BRINP3: variants seen among roughly 807,000 people sequenced by gnomAD.
The protein encoded by BRINP3 is BMP/retinoic acid-inducible neural-specific protein 3.
Under a neutral mutation model 71.0 loss-of-function variants are expected in BRINP3, and 19 were observed. That is an observed-to-expected ratio of 0.27 (90% confidence interval 0.19 to 0.39). The LOEUF (loss-of-function observed/expected upper bound fraction) is 0.39, where lower values mean the gene tolerates loss of function less well. BRINP3 is among the 10% of genes least tolerant of loss of function. BRINP3 has a pLI of 1.00. For synonymous variants in BRINP3, 380 were observed against 337.7 expected (o/e 1.13, Z -1.37); for missense variants, 959 against 940.8 (o/e 1.02, Z -0.25).
chr1:190,357,447 C>T (rs1668808492), intron 2 of BRINP3, among the ~76,000 whole-genome samples: 2 of 151,902 alleles, frequency 1.3e-5, no homozygotes, highest in South Asian at 2.1e-4. Flanking sequence ...TTAAAATTTT[C>T]ACAGTTTGGG....
At chr1:190,129,763 T>C (rs1357445874) in intron 7 of BRINP3, among the ~76,000 whole-genome samples, 2 of 152,000 alleles carry the variant, frequency 1.3e-5, no homozygotes, top group East Asian at 1.9e-4. Flanking sequence ...CTATATACTG[T>C]AATGATTAAC....
At chr1:190,246,944 G>T (rs1043032910) in intron 4 of BRINP3, among the ~76,000 whole-genome samples, 4 of 151,902 alleles carry the variant, frequency 2.6e-5, no homozygotes, top group African/African-American at 7.2e-5. Context: ...ACATCTAAAA[G>T]AATGAAAATT....
intron 7 of BRINP3, among the ~76,000 whole-genome samples, chr1:190,151,839 T>C (rs1165900692): frequency 1.3e-5 from 2 of 152,152 alleles, no homozygotes; most frequent in Non-Finnish European, 2.9e-5. Context: ...TTTACTGTGA[T>C]TGAAGTTACT....
At chr1:190,351,280 A>T (rs998909806) in intron 2 of BRINP3, among the ~76,000 whole-genome samples, 1 of 152,088 alleles carries the variant, frequency 6.6e-6, no homozygotes, top group Non-Finnish European at 1.5e-5. Flanking sequence ...AATCCTTGCA[A>T]TTGGATACAG....
intron 1 of BRINP3, among the ~76,000 whole-genome samples, chr1:190,462,256 T>C (rs975633055): frequency 1.3e-5 from 2 of 152,044 alleles, no homozygotes; most frequent in African/African-American, 2.4e-5. Flanking sequence ...AGGACAAAAA[T>C]AGAAAGTATT....
At chr1:190,181,525 G>C (rs116610974) in intron 6 of BRINP3, among the ~76,000 whole-genome samples, 353 of 151,922 alleles carry the variant, frequency 2.3e-3, no homozygotes, top group African/African-American at 8.2e-3. Flanking sequence ...TTTACCTGTA[G>C]TATTTTAGAA....
chr1:190,440,287 C>T (rs992715726), intron 2 of BRINP3, among the ~76,000 whole-genome samples: 3 of 151,734 alleles, frequency 2.0e-5, no homozygotes, highest in African/African-American at 7.2e-5. Context: ...AAAAATTACA[C>T]ACGAATTTTA....
At chr1:190,232,188 G>T (rs1292345425) in intron 5 of BRINP3, among the ~76,000 whole-genome samples, 1 of 151,880 alleles carries the variant, frequency 6.6e-6, no homozygotes, top group Non-Finnish European at 1.5e-5. Flanking sequence ...AACCCCAAAA[G>T]ACATGAAGAT....
At chr1:190,465,266 A>G (rs1459764515) in intron 1 of BRINP3, among the ~76,000 whole-genome samples, 1 of 151,992 alleles carries the variant, frequency 6.6e-6, no homozygotes, top group Non-Finnish European at 1.5e-5. Flanking sequence ...ATGAAGTCCA[A>G]ATGAAAGATG....
intron 1 of BRINP3, among the ~76,000 whole-genome samples, chr1:190,457,412 C>G (rs1256626233): frequency 6.6e-5 from 10 of 151,982 alleles, no homozygotes; most frequent in Admixed American, 4.6e-4. Context: ...CCACTGCACT[C>G]CAGCCTGGGT....
chr1:190,391,675 T>A (rs1190226470), intron 2 of BRINP3, among the ~76,000 whole-genome samples: 1 of 151,716 alleles, frequency 6.6e-6, no homozygotes, highest in African/African-American at 2.4e-5. Context: ...TCACTTTTTC[T>A]CCAGGAACAA....
At position 190,370,801 on chromosome 1, in the gene BRINP3, T is replaced by C. The variant is rs150741444; in HGVS notation, c.236+83854A>G. On this transcript the variant is annotated intron_variant, in intron 2 of 7. Coordinates refer to ENST00000367462, the MANE Select transcript of BRINP3 (RefSeq NM_199051.3). ...TTCACTTTTCTCTACATTCTCACTA[T>C]CGCTAGATATTTTTCATCTTTTTGA... Among the ~76,000 whole-genome samples the C allele has an allele frequency of 5.5e-3, 834 of 152,298 alleles. 5 individuals are homozygous for C. Among genetic ancestry groups the C allele is most frequent in the African/African-American group, 0.018 (764 of 41,564 alleles).
intron 7 of BRINP3, among the ~76,000 whole-genome samples, chr1:190,101,341 C>T (rs1223944485): frequency 6.6e-6 from 1 of 152,138 alleles, no homozygotes; most frequent in African/African-American, 2.4e-5. Context: ...AGTGTCTCTG[C>T]TACTCTTGCT....
chr1:190,138,338 A>G (rs1655147329), intron 7 of BRINP3, among the ~76,000 whole-genome samples: 1 of 152,172 alleles, frequency 6.6e-6, no homozygotes, highest in Non-Finnish European at 1.5e-5. Context: ...ATTTCAATGA[A>G]GACTGCTAAA....
rs1007732282 is a variant in BRINP3 at position 190,454,300 on chromosome 1, C to T, written c.236+355G>A. Among the ~76,000 whole-genome samples, 14 of 152,130 alleles carry T rather than the reference C, an allele frequency of 9.2e-5. 1 individual carries two copies. Among genetic ancestry groups the T allele is most frequent in the African/African-American group, 3.4e-4 (14 of 41,432 alleles). Reference sequence around the variant, plus strand: ...TTTCCATTTAGGCTGAAAAAGGTAACATAGCATTGTATAAGGTAGAAAGGA... The same window carrying T: ...TTTCCATTTAGGCTGAAAAAGGTAATATAGCATTGTATAAGGTAGAAAGGA... On this transcript the variant is annotated intron_variant, in intron 2 of 7. Coordinates refer to ENST00000367462, the MANE Select transcript of BRINP3 (RefSeq NM_199051.3).
At chr1:190,331,253 A>G (rs1437922634) in intron 2 of BRINP3, among the ~76,000 whole-genome samples, 1 of 152,054 alleles carries the variant, frequency 6.6e-6, no homozygotes, top group Non-Finnish European at 1.5e-5. Context: ...ATATGTAAGT[A>G]TATAACATCA....
At position 190,165,368 on chromosome 1, in the gene BRINP3, T is replaced by C. The variant is rs541367276; in HGVS notation, c.962-4478A>G. Among the ~76,000 whole-genome samples the C allele has an allele frequency of 1.1e-4, 16 of 151,434 alleles. 1 individual carries two copies. The East Asian group carries it at 2.9e-3, about 28-fold the overall frequency. On this transcript the variant is annotated intron_variant, in intron 6 of 7. Coordinates refer to ENST00000367462, the MANE Select transcript of BRINP3 (RefSeq NM_199051.3). ...ATAAACTAAAAAAAAAAAGTATTAC[T>C]TTCTCACACTAAATGCAAAACTTTG...
chr1:190,197,663 C>A (rs1216796546), intron 6 of BRINP3, among the ~76,000 whole-genome samples: 1 of 152,184 alleles, frequency 6.6e-6, no homozygotes, highest in South Asian at 2.1e-4. Flanking sequence ...CACACTTATG[C>A]AAGAGGTGGG....
chr1:190,455,026 T>C (rs942526142), intron 1 of BRINP3, 86 bp from the exon 2 acceptor site: 3 of 601,672 alleles, frequency 5.0e-6, no homozygotes, highest in African/African-American at 1.9e-5. Context: ...TTTTAAATTT[T>C]AATCTAATAT....
Sources: gnomAD v4.1 joint callset for allele counts (sites outside exome capture counted in the v4.1 genomes callset) on GRCh38, gnomAD v4.1.1 for gene constraint, MANE v1.5 for transcripts, NCBI Gene and HGNC (gene_info 2026-07-23, HGNC 2026-07-21) for gene names.